Variants in CACNA1E observed in about 807,000 individuals in gnomAD.
CACNA1E encodes voltage-dependent R-type calcium channel subunit alpha-1E.
Under a neutral mutation model 259.2 loss-of-function variants are expected in CACNA1E, and 40 were observed. The observed-to-expected ratio is 0.15, with a 90% confidence interval of 0.12 to 0.20. The LOEUF is 0.20. Ranked by LOEUF, CACNA1E falls within the 10% of genes least tolerant of loss-of-function variation. The pLI is 1.00. For missense variants in CACNA1E, 1,874 were observed against 3,040.1 expected (o/e 0.62, Z 9.02); for synonymous variants, 1,104 against 1,138.5 (o/e 0.97, Z 0.61).
chr1:181,433,976 A>T (rs953627964), intron 2 of CACNA1E, among the ~76,000 whole-genome samples: 3 of 152,222 alleles, frequency 2.0e-5, no homozygotes, highest in Admixed American at 6.5e-5. Flanking sequence ...TACCTTATTA[A>T]CAGCTCAGCA....
intron 6 of CACNA1E, among the ~76,000 whole-genome samples, chr1:181,606,025 G>A (rs1654203489): frequency 6.6e-6 from 1 of 151,898 alleles, no homozygotes; most frequent in Non-Finnish European, 1.5e-5. Context: ...CATGACTTTG[G>A]TGCCATTACA....
At chr1:181,359,006 T>C (rs1470695973) in intron 1 of CACNA1E, among the ~76,000 whole-genome samples, 2 of 152,240 alleles carry the variant, frequency 1.3e-5, no homozygotes, top group Non-Finnish European at 2.9e-5. Flanking sequence ...GTGCCTTGGG[T>C]ATGCTATGTT....
intron 3 of CACNA1E, among the ~76,000 whole-genome samples, chr1:181,549,469 A>C (rs1457343403): frequency 6.6e-6 from 1 of 152,228 alleles, no homozygotes; most frequent in Non-Finnish European, 1.5e-5. Context: ...GGCTAAAATC[A>C]TGCCACAGAC....
chr1:181,651,011 C>T (rs1197760180), intron 6 of CACNA1E, among the ~76,000 whole-genome samples: 2 of 152,228 alleles, frequency 1.3e-5, no homozygotes, highest in Non-Finnish European at 2.9e-5. Flanking sequence ...TTAGAACCCA[C>T]ATTACCAAAT....
intron 3 of CACNA1E, among the ~76,000 whole-genome samples, chr1:181,516,168 G>T (rs1489141430): frequency 6.6e-6 from 1 of 152,000 alleles, no homozygotes; most frequent in Admixed American, 6.6e-5. Flanking sequence ...CCTGAGAATT[G>T]CTTCCTGGGT....
chr1:181,381,549 G>T, intron 1 of CACNA1E, among the ~76,000 whole-genome samples: 1 of 152,154 alleles, frequency 6.6e-6, no homozygotes, highest in Non-Finnish European at 1.5e-5. Flanking sequence ...TACATACAAA[G>T]AAGTTTTTTG....
chr1:181,599,250 A>G (rs1404690738), intron 6 of CACNA1E, among the ~76,000 whole-genome samples: 1 of 152,204 alleles, frequency 6.6e-6, no homozygotes. Context: ...TTTGCTAAGG[A>G]TAACAGCCTC....
At chr1:181,660,210 C>T (rs1021978089) in intron 7 of CACNA1E, among the ~76,000 whole-genome samples, 9 of 152,160 alleles carry the variant, frequency 5.9e-5, no homozygotes, top group African/African-American at 1.7e-4. Context: ...GTGGCTCCCA[C>T]GACAAGCCAA....
chr1:181,378,963 T>C (rs1434696435), intron 1 of CACNA1E, among the ~76,000 whole-genome samples: 1 of 152,214 alleles, frequency 6.6e-6, no homozygotes, highest in Non-Finnish European at 1.5e-5. Flanking sequence ...GTCTACCATC[T>C]AGTTAAAAAT....
rs187053145 is a variant in CACNA1E, at chr1:181,772,586, C to A, written c.5139+355C>A. Among the ~76,000 whole-genome samples the A allele has an allele frequency of 2.4e-4, 37 of 152,268 alleles. No homozygotes were observed. In the East Asian group the frequency reaches 6.6e-3, roughly 27 times the overall value. On this transcript the variant is annotated intron_variant, in intron 37 of 47. Coordinates refer to ENST00000367573, the MANE Select transcript of CACNA1E (RefSeq NM_001205293.3). ...CGAATCTATGGACACTCAGAGTAAT[C>A]CTTTGTCATACCTCAGGTATTTTAT...
chr1:181,459,832 G>A (rs918591547), intron 2 of CACNA1E, among the ~76,000 whole-genome samples: 3 of 152,212 alleles, frequency 2.0e-5, no homozygotes, highest in African/African-American at 7.2e-5. Context: ...CAACTGGAAG[G>A]TGGAGAGGAA....
chr1:181,395,955 C>T (rs144064084), intron 1 of CACNA1E, among the ~76,000 whole-genome samples: 5 of 152,290 alleles, frequency 3.3e-5, no homozygotes, highest in Non-Finnish European at 7.4e-5. Flanking sequence ...ACAAAGTTTC[C>T]AAGACTTAGG....
chr1:181,551,025 G>T (rs1417457748), intron 3 of CACNA1E, among the ~76,000 whole-genome samples: 3 of 152,160 alleles, frequency 2.0e-5, no homozygotes, highest in African/African-American at 7.2e-5. Context: ...TGGGCTTTTG[G>T]AGGGGTGGGG....
At chr1:181,478,877 GTGTGGACACCT>G (rs1663043323), upstream of CACNA1E, among the ~76,000 whole-genome samples, 1 of 152,240 alleles carries the variant, frequency 6.6e-6, no homozygotes, top group African/African-American at 2.4e-5. Flanking sequence ...ATCTGGGGCA[GTGTGGACACCT>G]TGTTTTCTGC....
At chr1:181,445,931 C>T (rs904899156) in intron 2 of CACNA1E, among the ~76,000 whole-genome samples, 2 of 152,150 alleles carry the variant, frequency 1.3e-5, no homozygotes, top group South Asian at 2.1e-4. Flanking sequence ...CTCTTAACAG[C>T]GCACCACACT....
chr1:181,646,765 C>T (rs897331874), intron 6 of CACNA1E, among the ~76,000 whole-genome samples: 42 of 152,204 alleles, frequency 2.8e-4, no homozygotes, highest in African/African-American at 1.0e-3. Flanking sequence ...TCCCACCCCA[C>T]CTTGCAGCAT....
intron 3 of CACNA1E, among the ~76,000 whole-genome samples, chr1:181,523,914 C>A (rs997713768): frequency 1.3e-5 from 2 of 152,200 alleles, no homozygotes; most frequent in African/African-American, 4.8e-5. Flanking sequence ...CACTCGTGAA[C>A]AGAACAGTCT....
chr1:181,322,980 G>A (rs1047301349), intron 1 of CACNA1E, among the ~76,000 whole-genome samples: 26 of 152,218 alleles, frequency 1.7e-4, no homozygotes, highest in African/African-American at 5.1e-4. Flanking sequence ...ATCCGTCCCT[G>A]TGAGTTTTCA....
At chr1:181,437,876 T>G (rs1409210547) in intron 2 of CACNA1E, among the ~76,000 whole-genome samples, 1 of 152,210 alleles carries the variant, frequency 6.6e-6, no homozygotes, top group Non-Finnish European at 1.5e-5. Flanking sequence ...CATTTATAGA[T>G]TCAGCCTTCA....
Sources: gnomAD v4.1 joint callset for allele counts (sites outside exome capture counted in the v4.1 genomes callset) on GRCh38, gnomAD v4.1.1 for gene constraint, MANE v1.5 for transcripts, NCBI Gene and HGNC (gene_info 2026-07-23, HGNC 2026-07-21) for gene names.